Variants in FAM53B observed in about 807,000 individuals in gnomAD.
FAM53B encodes protein FAM53B.
A neutral mutation model predicts 32.7 loss-of-function variants in FAM53B; 12 were observed. The ratio of observed to expected loss-of-function variants is 0.37; its 90% CI spans 0.24 to 0.59. The LOEUF (loss-of-function observed/expected upper bound fraction) is 0.59. Ranked by LOEUF, FAM53B falls within the 20% of genes least tolerant of loss-of-function variation. FAM53B has a pLI of 0.72. For synonymous variants in FAM53B, 234 were observed against 228.7 expected (o/e 1.02, Z -0.21); for missense variants, 477 against 577.7 (o/e 0.83, Z 1.79).
chr10:124,674,765 G>A (rs1949727286), intron 4 of FAM53B, among the ~76,000 whole-genome samples: 1 of 152,256 alleles, frequency 6.6e-6, no homozygotes, highest in African/African-American at 2.4e-5. Context: ...GGCCTCAGCT[G>A]GTAAGGCCTT....
chr10:124,641,380 G>A (rs1377668748), intron 4 of FAM53B, among the ~76,000 whole-genome samples: 13 of 152,202 alleles, frequency 8.5e-5, no homozygotes, highest in Admixed American at 8.5e-4. Flanking sequence ...TTCAGGACAG[G>A]GCCCCAGCCT....
chr10:124,731,068 C>T (rs1415399498), intron 1 of FAM53B, among the ~76,000 whole-genome samples: 11 of 152,232 alleles, frequency 7.2e-5, no homozygotes, highest in Admixed American at 2.0e-4. Context: ...GGAGTTCAAA[C>T]GCCAGAACTA....
intron 1 of FAM53B, among the ~76,000 whole-genome samples, chr10:124,716,822 A>G (rs1273678723): frequency 6.6e-6 from 1 of 152,066 alleles, no homozygotes; most frequent in African/African-American, 2.4e-5. Flanking sequence ...GTGGCCACAG[A>G]GCTAGATGCC....
At chr10:124,650,190 C>T (rs949634232) in intron 4 of FAM53B, among the ~76,000 whole-genome samples, 1 of 152,192 alleles carries the variant, frequency 6.6e-6, no homozygotes, top group Non-Finnish European at 1.5e-5. Context: ...GTAGGCTGTG[C>T]CCTGCTCCCA....
intron 3 of FAM53B, among the ~76,000 whole-genome samples, chr10:124,689,131 A>G: frequency 6.6e-6 from 1 of 152,194 alleles, no homozygotes; most frequent in East Asian, 1.9e-4. Context: ...GGGTTGTGCT[A>G]ACTTGGCCTC....
chr10:124,706,535 TG>T, intron 2 of FAM53B, 100 bp downstream of exon 2: 1 of 1,476,298 alleles, frequency 6.8e-7, no homozygotes, highest in Non-Finnish European at 9.4e-7. Context: ...TTGGGGACTC[TG>T]GACTCGATTT....
chr10:124,625,054 G>T (rs554551326), intron 4 of FAM53B, among the ~76,000 whole-genome samples: 1 of 152,216 alleles, frequency 6.6e-6, no homozygotes, highest in African/African-American at 2.4e-5. Flanking sequence ...GCCTGCTGAC[G>T]CCAAGACCAC....
chr10:124,675,471 C>T (rs932394912), intron 4 of FAM53B, among the ~76,000 whole-genome samples: 32 of 152,286 alleles, frequency 2.1e-4, no homozygotes, highest in South Asian at 8.3e-4. Flanking sequence ...GCAGCAGGCC[C>T]GGGCTTTCTT....
intron 4 of FAM53B, among the ~76,000 whole-genome samples, chr10:124,625,453 C>T (rs1331753414): frequency 2.0e-5 from 3 of 152,124 alleles, no homozygotes; most frequent in Non-Finnish European, 4.4e-5. Context: ...CGATGCAGCC[C>T]GGTGGTGTGC....
At chr10:124,724,307 C>T (rs1298181819) in intron 1 of FAM53B, among the ~76,000 whole-genome samples, 2 of 152,114 alleles carry the variant, frequency 1.3e-5, no homozygotes, top group African/African-American at 2.4e-5. Context: ...GAGTGGAGGG[C>T]CCCTTCCCAG....
chr10:124,707,041 T>A (rs1949964430), intron 1 of FAM53B, among the ~76,000 whole-genome samples, 154 bp from the exon 2 acceptor site: 1 of 152,138 alleles, frequency 6.6e-6, no homozygotes. Context: ...GGCCCAGAGT[T>A]ACCTTCTCAG....
At chr10:124,736,294 G>A (rs878909077) in intron 1 of FAM53B, among the ~76,000 whole-genome samples, 19 of 152,262 alleles carry the variant, frequency 1.2e-4, no homozygotes, top group Admixed American at 3.9e-4. Context: ...AAACTGAATC[G>A]TTTGACTGCC....
At chr10:124,742,998 G>A (rs935982364) in intron 1 of FAM53B, 2 of 152,248 alleles carry the variant, frequency 1.3e-5, no homozygotes, top group Non-Finnish European at 2.9e-5. Context: ...CGGTCAGATG[G>A]AAGGAGCTCG....
At chr10:124,626,146 G>A (rs909561362) in intron 4 of FAM53B, among the ~76,000 whole-genome samples, 1 of 152,266 alleles carries the variant, frequency 6.6e-6, no homozygotes, top group Admixed American at 6.5e-5. Flanking sequence ...CATGTGAGGG[G>A]CCTGGGGCGT....
chr10:124,635,745 G>A (rs1212516481), intron 4 of FAM53B, among the ~76,000 whole-genome samples: 1 of 152,166 alleles, frequency 6.6e-6, no homozygotes, highest in South Asian at 2.1e-4. Context: ...ACTCATGCAC[G>A]TGAAATTCAC....
At chr10:124,644,511 T>C (rs1949498835) in intron 4 of FAM53B, among the ~76,000 whole-genome samples, 1 of 152,250 alleles carries the variant, frequency 6.6e-6, no homozygotes, top group Admixed American at 6.5e-5. Context: ...AACTCTGTTC[T>C]TTCAGTGAAA....
chr10:124,624,709 G>A (rs1020184749), intron 4 of FAM53B, among the ~76,000 whole-genome samples: 1 of 150,802 alleles, frequency 6.6e-6, no homozygotes, highest in African/African-American at 2.4e-5. Context: ...CTTGGCGTCA[G>A]CTGCCAGCGA....
intron 1 of FAM53B, among the ~76,000 whole-genome samples, chr10:124,739,372 C>T (rs1950188840): frequency 6.6e-6 from 1 of 152,242 alleles, no homozygotes; most frequent in Non-Finnish European, 1.5e-5. Context: ...AAGCCCAGGG[C>T]CCAGGGTGGG....
intron 4 of FAM53B, among the ~76,000 whole-genome samples, chr10:124,652,210 A>G (rs1411661704): frequency 6.6e-6 from 1 of 152,160 alleles, no homozygotes; most frequent in Non-Finnish European, 1.5e-5. Context: ...AAAAGCTATC[A>G]ATTCCCAACT....
Sources: allele counts gnomAD v4.1 joint callset (sites outside exome capture counted in the v4.1 genomes callset), GRCh38; gene constraint gnomAD v4.1.1; transcripts MANE v1.5; gene names NCBI Gene and HGNC (gene_info 2026-07-23, HGNC 2026-07-21).